The following TMEM30B variants were observed in gnomAD, a reference collection of about 807,000 sequenced individuals.
TMEM30B encodes cell cycle control protein 50B.
Under a neutral mutation model 27.9 loss-of-function variants are expected in TMEM30B, and 25 were observed. The observed-to-expected ratio is 0.89, with a 90% CI of 0.65 to 1.25. The LOEUF (loss-of-function observed/expected upper bound fraction) is 1.25. Among genes scored for constraint, TMEM30B ranks in the 50% most tolerant of loss-of-function variants. TMEM30B has a pLI of 0.00. For synonymous variants in TMEM30B, 248 were observed against 238.5 expected, an observed-to-expected ratio of 1.04 and a Z score of -0.37; for missense variants, 536 against 506.5, an observed-to-expected ratio of 1.06 and a Z score of -0.56.
chr14:61,280,692 G>T lies in TMEM30B; in HGVS notation c.456C>A (p.Arg152=). The change falls in exon 1 of 1, where the codon CGC becomes CGA. Residue 152 remains arginine (R), a synonymous_variant. Coordinates refer to ENST00000555868, the MANE Select transcript of TMEM30B (RefSeq NM_001017970.3). This position sits in a 1 kb window ranked among gnomAD's most constrained non-coding sequence, Gnocchi z 5.0. The part of the protein sequence containing the change: ...HPVNECAPYQ[R]SAAGLPIAPC... ...GCGCGATGGGCAGGCCGGCCGCGCT[G>T]CGCTGGTAGGGGGCGCACTCGTTGA... 1 of 1,578,072 alleles carries T rather than the reference G, an allele frequency of 6.3e-7. No homozygotes were observed. The highest frequency in any genetic ancestry group is 1.1e-5 in the South Asian group (1 of 87,304).
rs1273529378 is a variant in TMEM30B at position 61,278,295 on chromosome 14, C to T, written c.*1797G>A. 1 of 152,062 alleles carries T rather than the reference C, an allele frequency of 6.6e-6. No individual in the cohort carries two copies. The highest frequency in any genetic ancestry group is 1.5e-5 in the Non-Finnish European group (1 of 68,000). The allele number at this position is 152,062 out of a possible 1,614,324, so 9.4% of individuals were successfully genotyped here. On this transcript the variant is annotated 3_prime_UTR_variant, in exon 1 of 1. Transcript: ENST00000555868. The stretch of plus-strand genomic sequence containing the variant: ...GTTTTCATAGCCTAAAATCACCATA[C>T]AAAATCTAATAATAAAATTGTGTCG...
In TMEM30B at chr14:61,280,279, T is replaced by A; in HGVS notation, c.869A>T (p.Asn290Ile). 6.2e-7 allele frequency: 1 copy of A among 1,613,822 alleles called. No homozygotes were observed. The highest frequency in any genetic ancestry group is 1.6e-4 in the Middle Eastern group (1 of 6,062). The change falls in exon 1 of 1, where the codon AAC becomes ATC. Residue 290 changes from asparagine to isoleucine, a missense_variant. Asn to Ile is a moderately radical substitution (Grantham distance 149). Coordinates refer to ENST00000555868, the MANE Select transcript of TMEM30B (RefSeq NM_001017970.3). This position sits in a 1 kb window ranked among gnomAD's most constrained non-coding sequence, Gnocchi z 5.0. ...GCCGCCGAACGCGCGCACCGGGTAG[T>A]TGTAGGTGATGTTGACGCGGTAGGC... ...RGAYRVNITY[N>I]YPVRAFGGHK...
At position 61,277,664 on chromosome 14, in the gene TMEM30B, C is replaced by T. The variant is rs965842916; in HGVS notation, c.*2428G>A. 2.0e-5 allele frequency: 3 copies of T among 152,134 alleles called. No homozygotes were observed. Among genetic ancestry groups the T allele is most frequent in the Non-Finnish European group, 4.4e-5 (3 of 68,012 alleles). 9.4% of individuals were successfully genotyped at this position (152,134 alleles called of 1,614,324 possible). A position where few individuals can be genotyped will look rare whatever the true frequency, so the allele number is the denominator to read the frequency against. ...TGCAATTTATAATTGAAGTAAAATG[C>T]AGAAGACTACTACAAAAATTTTTAA... On this transcript the variant is annotated 3_prime_UTR_variant, in exon 1 of 1. Transcript: ENST00000555868.
rs71117806 is a variant in TMEM30B at position 61,278,975 on chromosome 14, TCACACACACACACACACACACACA to T, written c.*1093_*1116del. 1.4e-5 allele frequency: 2 copies of T among 140,352 alleles called. No individual in the cohort carries two copies. Among genetic ancestry groups the T allele is most frequent in the South Asian group, 5.0e-4 (2 of 4,040 alleles). The allele number at this position is 140,352 out of a possible 1,614,324, so 8.7% of individuals were successfully genotyped here. On this transcript the variant is annotated 3_prime_UTR_variant, in exon 1 of 1. Transcript: ENST00000555868. ...AAGGTATGAATGAAGCCCTTTCTAA[TCACACACACACACACACACACACA>T]CACACACACACACAATGACAAAGAA...
In TMEM30B at chr14:61,277,720, G is replaced by A. The variant is rs2045216482; in HGVS notation, c.*2372C>T. On this transcript the variant is annotated 3_prime_UTR_variant, in exon 1 of 1. Coordinates refer to ENST00000555868, the MANE Select transcript of TMEM30B (RefSeq NM_001017970.3). ...CATTTATTAAATTCAAACAGTATTT[G>A]AGGACTATCTAGTTTATATACATGT... 2 of 152,150 alleles carry A rather than the reference G, an allele frequency of 1.3e-5. No individual in the cohort carries two copies. The highest frequency in any genetic ancestry group is 4.8e-5 in the African/African-American group (2 of 41,428). 9.4% of individuals were successfully genotyped at this position (152,150 alleles called of 1,614,324 possible). A position where few individuals can be genotyped will look rare whatever the true frequency, so the allele number is the denominator to read the frequency against.
In TMEM30B at chr14:61,280,634, C is replaced by T; in HGVS notation, c.514G>A (p.Asp172Asn). The change falls in exon 1 of 1, where the codon GAC (aspartate) becomes AAC (asparagine). Residue 172 changes from aspartate to asparagine, a missense_variant. By Grantham distance (23) the Asp-to-Asn change is conservative. Coordinates refer to ENST00000555868, the MANE Select transcript of TMEM30B (RefSeq NM_001017970.3). This position sits in a 1 kb window ranked among gnomAD's most constrained non-coding sequence, Gnocchi z 5.0. ...CGCTGGTGCCAAAGCGAGAAGGAGT[C>T]GTTGAAGAGGCTGTTGGCGATGGCG... is the stretch of plus-strand genomic sequence containing the variant. ...CGAIANSLFN[D>N]SFSLWHQRQP... is the part of the protein sequence containing the mutation. The T allele has an allele frequency of 6.3e-7, 1 of 1,575,426 alleles. No individual in the cohort carries two copies.
chr14:61,281,093 T>G lies in TMEM30B; in HGVS notation c.55A>C (p.Thr19Pro), dbSNP rs992700372. The G allele has an allele frequency of 2.0e-6, 3 of 1,496,236 alleles. No individual in the cohort carries two copies. Among genetic ancestry groups the G allele is most frequent in the South Asian group, 2.5e-5 (2 of 78,976 alleles). The allele number at this position is 1,496,236 out of a possible 1,614,324, so 92.7% of individuals were successfully genotyped here. The change falls in exon 1 of 1, where the codon ACT becomes CCT. Residue 19 changes from threonine to proline, a missense_variant. Transcript: ENST00000555868. ...TGCCAGGCGGGGAGGCGCTGCTGAG[T>G]GAAGGCGGTGTTGTCGGGCTGGTGG... ...GAHQPDNTAF[T>P]QQRLPAWQPL...
Position 61,280,712 on chromosome 14 carries a change from C to T in TMEM30B, c.436G>A (p.Glu146Lys). 6.3e-7 allele frequency: 1 copy of T among 1,579,388 alleles called. No homozygotes were observed. Among genetic ancestry groups the T allele is most frequent in the Non-Finnish European group, 8.6e-7 (1 of 1,166,232 alleles). The change falls in exon 1 of 1, where the codon GAG (glutamate) becomes AAG (lysine). Residue 146 changes from glutamate (E) to lysine (K), a missense_variant. Transcript: ENST00000555868. This position sits in a 1 kb window ranked among gnomAD's most constrained non-coding sequence, Gnocchi z 5.0. Reference protein sequence around the residue: ...LPSALRHPVNECAPYQRSAAG... With the variant: ...LPSALRHPVNKCAPYQRSAAG... Reference sequence around the variant, plus strand: ...GCGCTGCGCTGGTAGGGGGCGCACTCGTTGACAGGGTGGCGCAGCGCGCTG... The same window carrying T: ...GCGCTGCGCTGGTAGGGGGCGCACTTGTTGACAGGGTGGCGCAGCGCGCTG...
rs956522866 is a variant in TMEM30B, at chr14:61,277,923, G to A, written c.*2169C>T. ...CTATTAAGAAATTAGCAAAGTGGCTGGTGGTGTTTGTGCCTTTAAGATCAT... is the reference window on the plus strand; with the variant it reads ...CTATTAAGAAATTAGCAAAGTGGCTAGTGGTGTTTGTGCCTTTAAGATCAT... On this transcript the variant is annotated 3_prime_UTR_variant, in exon 1 of 1. Transcript: ENST00000555868. 5 of 152,170 alleles carry A rather than the reference G, an allele frequency of 3.3e-5. No individual in the cohort carries two copies. The highest frequency in any genetic ancestry group is 7.3e-5 in the Non-Finnish European group (5 of 68,044). The allele number at this position is 152,170 out of a possible 1,614,324, so 9.4% of individuals were successfully genotyped here. A position where few individuals can be genotyped will look rare whatever the true frequency, so the allele number is the denominator to read the frequency against.
chr14:61,281,171 G>GT lies in TMEM30B; in HGVS notation c.-25_-24insA. On this transcript the variant is annotated 5_prime_UTR_variant, in exon 1 of 1. Coordinates refer to ENST00000555868, the MANE Select transcript of TMEM30B (RefSeq NM_001017970.3). ...ATGGCGGCCGCGCGGGGACCGACGC[G>GT]CGGGCTGACCGAGTGGGGGCCCCGC... The GT allele has an allele frequency of 7.7e-7, 1 of 1,293,790 alleles. No individual in the cohort carries two copies. Among genetic ancestry groups the GT allele is most frequent in the Non-Finnish European group, 9.8e-7 (1 of 1,020,278 alleles). 80.1% of individuals were successfully genotyped at this position (1,293,790 alleles called of 1,614,324 possible). A position where few individuals can be genotyped will look rare whatever the true frequency, so the allele number is the denominator to read the frequency against.
rs1362002880 is a variant in TMEM30B at position 61,279,102 on chromosome 14, C to A, written c.*990G>T. 2 of 151,854 alleles carry A rather than the reference C, an allele frequency of 1.3e-5. No individual in the cohort carries two copies. Among genetic ancestry groups the A allele is most frequent in the East Asian group, 3.9e-4 (2 of 5,172 alleles). The allele number at this position is 151,854 out of a possible 1,614,324, so 9.4% of individuals were successfully genotyped here. A position where few individuals can be genotyped will look rare whatever the true frequency, so the allele number is the denominator to read the frequency against. ...GATCTCTTCCAGCTATCTGATTCTA[C>A]GTTAAAGCATTTCCTCTGAACTGTA... On this transcript the variant is annotated 3_prime_UTR_variant, in exon 1 of 1. Coordinates refer to ENST00000555868, the MANE Select transcript of TMEM30B (RefSeq NM_001017970.3).
rs753884660 is a variant in TMEM30B, at chr14:61,280,956, C to G, written c.192G>C (p.Glu64Asp). ...TGCCCGGGTCGCCTGTATAGTCGTACTCCAGCTCCTTGATGCCGTTGGAGG... is the reference window on the plus strand; with the variant it reads ...TGCCCGGGTCGCCTGTATAGTCGTAGTCCAGCTCCTTGATGCCGTTGGAGG... ...YYSSNGIKEL[E>D]YDYTGDPGTG... The change falls in exon 1 of 1, where the codon GAG becomes GAC. Residue 64 changes from glutamate (E) to aspartate (D), a missense_variant. Coordinates refer to ENST00000555868, the MANE Select transcript of TMEM30B (RefSeq NM_001017970.3). The surrounding 1 kb of genome is among the most constrained non-coding windows in gnomAD (Gnocchi z 5.0). The G allele has an allele frequency of 2.6e-6, 4 of 1,543,168 alleles. No homozygotes were observed. Among genetic ancestry groups the G allele is most frequent in the Non-Finnish European group, 2.6e-6 (3 of 1,147,676 alleles).
chr14:61,280,662 G>C lies in TMEM30B; in HGVS notation c.486C>G (p.Cys162Trp), dbSNP rs2045251593. ...TGAAGAGGCTGTTGGCGATGGCGCC[G>C]CAGGGCGCGATGGGCAGGCCGGCCG... is the stretch of plus-strand genomic sequence containing the variant. ...RSAAGLPIAP[C>W]GAIANSLFND... The change falls in exon 1 of 1, where the codon TGC becomes TGG. Residue 162 changes from cysteine (C) to tryptophan (W), a missense_variant. Coordinates refer to ENST00000555868, the MANE Select transcript of TMEM30B (RefSeq NM_001017970.3). The surrounding 1 kb of genome is among the most constrained non-coding windows in gnomAD (Gnocchi z 5.0). The C allele has an allele frequency of 1.3e-6, 2 of 1,571,014 alleles. No homozygotes were observed. The highest frequency in any genetic ancestry group is 1.4e-5 in the African/African-American group (1 of 73,968).
In TMEM30B at chr14:61,280,470, CG is replaced by C. The variant is rs1566804829; in HGVS notation, c.677del (p.Pro226ArgfsTer160). Reference sequence around the variant, plus strand: ...CGTAGACTGGCCGGCGCCAGTTGGGCGGGGGCGCCGTGCCCTGGAAGGCCAA... The same window carrying C: ...CGTAGACTGGCCGGCGCCAGTTGGGCGGGGCGCCGTGCCCTGGAAGGCCAA... ...LALAFQGTAP[P>X]PNWRRPVYEL... On this transcript the variant is annotated frameshift_variant, in exon 1 of 1. Transcript: ENST00000555868. LOFTEE classifies it high-confidence loss of function. This position sits in a 1 kb window ranked among gnomAD's most constrained non-coding sequence, Gnocchi z 5.0. 3 of 1,613,358 alleles carry C rather than the reference CG, an allele frequency of 1.9e-6. No individual in the cohort carries two copies. Among genetic ancestry groups the C allele is most frequent in the Non-Finnish European group, 2.5e-6 (3 of 1,179,702 alleles).
chr14:61,278,368 G>C lies in TMEM30B; in HGVS notation c.*1724C>G, dbSNP rs901782834. On this transcript the variant is annotated 3_prime_UTR_variant, in exon 1 of 1. Coordinates refer to ENST00000555868, the MANE Select transcript of TMEM30B (RefSeq NM_001017970.3). ...CACATTAAATTAACAAAGTATTTTT[G>C]GTATATGTAAATAATGGGATAGAAT... 2 of 152,102 alleles carry C rather than the reference G, an allele frequency of 1.3e-5. No homozygotes were observed. Among genetic ancestry groups the C allele is most frequent in the Admixed American group, 6.5e-5 (1 of 15,272 alleles). 9.4% of individuals were successfully genotyped at this position (152,102 alleles called of 1,614,324 possible).
Position 61,281,243 on chromosome 14 carries a change from G to A in TMEM30B, c.-96C>T, listed in dbSNP as rs774248566. 144 of 752,032 alleles carry A rather than the reference G, an allele frequency of 1.9e-4. No homozygotes were observed. The highest frequency in any genetic ancestry group is 2.6e-4 in the Non-Finnish European group (141 of 542,988). The allele number at this position is 752,032 out of a possible 1,614,324, so 46.6% of individuals were successfully genotyped here. A position where few individuals can be genotyped will look rare whatever the true frequency, so the allele number is the denominator to read the frequency against. On this transcript the variant is annotated 5_prime_UTR_variant, in exon 1 of 1. Coordinates refer to ENST00000555868, the MANE Select transcript of TMEM30B (RefSeq NM_001017970.3). ...CGCCGCGCAAGCCCGGGGACTGCTCGCGGGTCGGGTTTCCCGCCAGCTCAG... is the reference window on the plus strand; with the variant it reads ...CGCCGCGCAAGCCCGGGGACTGCTCACGGGTCGGGTTTCCCGCCAGCTCAG...
rs71117806 is a variant in TMEM30B, at chr14:61,278,975, T to TCACACACACACACACACACACACA, written c.*1093_*1116dup. ...AAGGTATGAATGAAGCCCTTTCTAA[T>TCACACACACACACACACACACACA]CACACACACACACACACACACACAC... On this transcript the variant is annotated 3_prime_UTR_variant, in exon 1 of 1. Coordinates refer to ENST00000555868, the MANE Select transcript of TMEM30B (RefSeq NM_001017970.3). 7.1e-6 allele frequency: 1 copy of TCACACACACACACACACACACACA among 140,240 alleles called. No individual in the cohort carries two copies. Among genetic ancestry groups the TCACACACACACACACACACACACA allele is most frequent in the Non-Finnish European group, 1.6e-5 (1 of 64,234 alleles). 8.7% of individuals were successfully genotyped at this position (140,240 alleles called of 1,614,324 possible).
chr14:61,279,406 T>C lies in TMEM30B; in HGVS notation c.*686A>G, dbSNP rs1452899877. ...TACTATCCGAAAAAGTGAATTCAGT[T>C]GACTGCTTCAGGCCCAACCTGGTTC... On this transcript the variant is annotated 3_prime_UTR_variant, in exon 1 of 1. Transcript: ENST00000555868. The C allele has an allele frequency of 2.6e-5, 4 of 152,214 alleles. No individual in the cohort carries two copies. The highest frequency in any genetic ancestry group is 2.6e-4 in the Admixed American group (4 of 15,282). 9.4% of individuals were successfully genotyped at this position (152,214 alleles called of 1,614,324 possible).
Position 61,280,623 on chromosome 14 carries a change from C to T in TMEM30B, c.525G>A (p.Ser175=). 1 of 1,579,072 alleles carries T rather than the reference C, an allele frequency of 6.3e-7. No homozygotes were observed. ...CGCCGGGCTGGCGCTGGTGCCAAAGCGAGAAGGAGTCGTTGAAGAGGCTGT... is the reference window on the plus strand; with the variant it reads ...CGCCGGGCTGGCGCTGGTGCCAAAGTGAGAAGGAGTCGTTGAAGAGGCTGT... The part of the protein sequence containing the change: ...IANSLFNDSF[S]LWHQRQPGGP... Residue 175 remains serine, a synonymous_variant, in exon 1 of 1, where the codon TCG becomes TCA. Transcript: ENST00000555868. The surrounding 1 kb of genome is among the most constrained non-coding windows in gnomAD (Gnocchi z 5.0).
Sources: allele counts gnomAD v4.1 joint callset, GRCh38; gene constraint gnomAD v4.1.1; non-coding constraint Gnocchi (gnomAD v3.1); transcripts MANE v1.5; gene names NCBI Gene and HGNC (gene_info 2026-07-23, HGNC 2026-07-21).